ADAMTS3: variants seen among roughly 807,000 people sequenced by gnomAD.
ADAMTS3 encodes ADAM metallopeptidase with thrombospondin type 1 motif 3.
A neutral mutation model predicts 129.0 loss-of-function variants in ADAMTS3; 73 were observed. The observed-to-expected ratio is 0.57, with a 90% confidence interval of 0.47 to 0.69. ADAMTS3 has a LOEUF of 0.69. ADAMTS3 is among the 30% of genes least tolerant of loss of function. ADAMTS3 has a pLI of 0.00. For missense variants in ADAMTS3, 1,457 were observed against 1,514.5 expected, an observed-to-expected ratio of 0.96 and a Z score of 0.63; for synonymous variants, 477 against 510.8, an observed-to-expected ratio of 0.93 and a Z score of 0.89.
intron 3 of ADAMTS3, among the ~76,000 whole-genome samples, chr4:72,479,677 A>C (rs2110003971): frequency 6.6e-6 from 1 of 152,320 alleles, no homozygotes; most frequent in African/African-American, 2.4e-5. Flanking sequence ...TGGCAACAAA[A>C]GACAAAATTA....
chr4:72,482,315 T>C (rs963948992), intron 3 of ADAMTS3, among the ~76,000 whole-genome samples: 1 of 151,964 alleles, frequency 6.6e-6, no homozygotes, highest in Admixed American at 6.6e-5. Flanking sequence ...CTTGGAATAG[T>C]ACACATCAAT....
intron 10 of ADAMTS3, among the ~76,000 whole-genome samples, chr4:72,317,635 C>A (rs1578576920): frequency 6.6e-6 from 1 of 152,024 alleles, no homozygotes; most frequent in East Asian, 1.9e-4. Context: ...CAAATTTAAT[C>A]CTCACACCAA....
At chr4:72,524,081 A>G (rs1006357967) in intron 3 of ADAMTS3, among the ~76,000 whole-genome samples, 1 of 152,166 alleles carries the variant, frequency 6.6e-6, no homozygotes, top group African/African-American at 2.4e-5. Context: ...TTTAGCTCAT[A>G]TACTTGAAAA....
At position 72,448,507 on chromosome 4, in the gene ADAMTS3, T is replaced by C. The variant is rs144713019; in HGVS notation, c.505-33536A>G. Among the ~76,000 whole-genome samples the C allele has an allele frequency of 5.3e-3, 811 of 151,904 alleles. 5 individuals are homozygous for C. Among genetic ancestry groups the C allele is most frequent in the African/African-American group, 0.019 (784 of 41,518 alleles). On this transcript the variant is annotated intron_variant, in intron 3 of 21. Transcript: ENST00000286657. ...AAGATTAGTCACTCTGCATGAAAAC[T>C]TGGCATGTCCTGAAATCACAAAGCT...
intron 18 of ADAMTS3, among the ~76,000 whole-genome samples, chr4:72,296,545 CT>C (rs1396827048): frequency 6.6e-6 from 1 of 152,022 alleles, no homozygotes; most frequent in Non-Finnish European, 1.5e-5. Context: ...CTAGATTGAT[CT>C]TTTGTGACTA....
At chr4:72,472,677 T>C (rs1026519825) in intron 3 of ADAMTS3, among the ~76,000 whole-genome samples, 4 of 152,078 alleles carry the variant, frequency 2.6e-5, no homozygotes, top group African/African-American at 7.2e-5. Context: ...GAACCCCCAA[T>C]ATATAACAGA....
At chr4:72,532,052 A>AC (rs1343691050) in intron 3 of ADAMTS3, among the ~76,000 whole-genome samples, 1 of 131,616 alleles carries the variant, frequency 7.6e-6, no homozygotes, top group Non-Finnish European at 1.7e-5. Context: ...AGTATTACAG[A>AC]CAAAAAAAAA....
intron 4 of ADAMTS3, among the ~76,000 whole-genome samples, chr4:72,411,551 A>G (rs1722185352): frequency 6.6e-6 from 1 of 152,034 alleles, no homozygotes; most frequent in African/African-American, 2.4e-5. Context: ...CAACGAGCCA[A>G]TAACTGCTAC....
intron 3 of ADAMTS3, among the ~76,000 whole-genome samples, chr4:72,539,120 T>C (rs2109774790): frequency 6.6e-6 from 1 of 152,222 alleles, no homozygotes; most frequent in Non-Finnish European, 1.5e-5. Flanking sequence ...GCAATAGATT[T>C]CACATCAAAG....
chr4:72,433,080 T>C (rs1390148986), intron 3 of ADAMTS3, among the ~76,000 whole-genome samples: 1 of 151,916 alleles, frequency 6.6e-6, no homozygotes, highest in Non-Finnish European at 1.5e-5. Flanking sequence ...AGTATTGAAA[T>C]ATGCTGACTT....
At chr4:72,549,559 A>G (rs1164174464) in intron 2 of ADAMTS3, among the ~76,000 whole-genome samples, 1 of 152,116 alleles carries the variant, frequency 6.6e-6, no homozygotes, top group Non-Finnish European at 1.5e-5. Context: ...CTATCCTACC[A>G]TGCTTTCCTC....
chr4:72,487,704 G>T lies in ADAMTS3; in HGVS notation c.504+60774C>A, dbSNP rs191962891. ...TTTACATATATGTAAAAATTAGCAT[G>T]TGAGTAAAAATCAGGTTCTATATGC... On this transcript the variant is annotated intron_variant, in intron 3 of 21. Transcript: ENST00000286657. Among the ~76,000 whole-genome samples, 103 of 152,142 alleles carry T rather than the reference G, an allele frequency of 6.8e-4. No individual in the cohort carries two copies. In the Middle Eastern group the frequency reaches 0.01, roughly 15 times the overall value.
intron 4 of ADAMTS3, among the ~76,000 whole-genome samples, chr4:72,393,653 C>A (rs1721657566): frequency 6.6e-6 from 1 of 152,010 alleles, no homozygotes; most frequent in South Asian, 2.1e-4. Flanking sequence ...ATAATCCTTT[C>A]CATATACAGA....
intron 5 of ADAMTS3, among the ~76,000 whole-genome samples, chr4:72,327,574 C>G (rs1321105526): frequency 6.6e-6 from 1 of 152,180 alleles, no homozygotes; most frequent in Non-Finnish European, 1.5e-5. Flanking sequence ...CAGATGTTCT[C>G]ATTGCCCAGA....
rs1718342542 is a variant in ADAMTS3 at position 72,281,544 on chromosome 4, T to C, written c.*1592A>G. The stretch of plus-strand genomic sequence containing the variant: ...AAAAACTTTTAAAAATGTTTCTAAT[T>C]CACAATTTCATTGAACAGCTAGCTG... On this transcript the variant is annotated 3_prime_UTR_variant, in exon 22 of 22. Coordinates refer to ENST00000286657, the MANE Select transcript of ADAMTS3 (RefSeq NM_014243.3). The C allele has an allele frequency of 6.6e-6, 1 of 152,202 alleles. No individual in the cohort carries two copies. 9.4% of individuals were successfully genotyped at this position (152,202 alleles called of 1,614,324 possible).
At chr4:72,521,115 A>C (rs928460910) in intron 3 of ADAMTS3, among the ~76,000 whole-genome samples, 1 of 151,454 alleles carries the variant, frequency 6.6e-6, no homozygotes, top group African/African-American at 2.4e-5. Context: ...CTCCTACTTC[A>C]GCCTCCAGAA....
chr4:72,358,252 C>A (rs1418247807), intron 4 of ADAMTS3, among the ~76,000 whole-genome samples: 1 of 151,906 alleles, frequency 6.6e-6, no homozygotes, highest in Non-Finnish European at 1.5e-5. Flanking sequence ...CTTTAGTGTA[C>A]TTTATAGATC....
chr4:72,530,060 T>TA (rs1491421036), intron 3 of ADAMTS3, among the ~76,000 whole-genome samples: 1 of 896 alleles, frequency 1.1e-3, no homozygotes, highest in Non-Finnish European at 2.2e-3. Flanking sequence ...ATATATAATA[T>TA]GTTATATATA....
At chr4:72,476,630 C>G (rs1454174818) in intron 3 of ADAMTS3, among the ~76,000 whole-genome samples, 1 of 152,068 alleles carries the variant, frequency 6.6e-6, no homozygotes, top group Non-Finnish European at 1.5e-5. Context: ...TAAAATTACA[C>G]TAATCCCCAA....
Sources: allele counts gnomAD v4.1 joint callset (sites outside exome capture counted in the v4.1 genomes callset), GRCh38; gene constraint gnomAD v4.1.1; transcripts MANE v1.5; gene names NCBI Gene and HGNC (gene_info 2026-07-23, HGNC 2026-07-21).